NHERF1: variants seen among roughly 807,000 people sequenced by gnomAD.
The protein encoded by NHERF1 is NHERF family PDZ scaffold protein 1.
the NHERF1 span, among the ~76,000 whole-genome samples, chr17:74,753,090 C>T: frequency 2.0e-5 from 3 of 152,346 alleles, no homozygotes; most frequent in Admixed American, 2.0e-4. Context: ...AAAGTCCAGG[C>T]TTTGGGGTCA....
At chr17:74,767,498 G>A in the NHERF1 span, among the ~76,000 whole-genome samples, 1 of 152,194 alleles carries the variant, frequency 6.6e-6, no homozygotes, top group African/African-American at 2.4e-5. Flanking sequence ...CTCTGGGACA[G>A]GCCGACTCAG....
chr17:74,751,129 C>G, the NHERF1 span, among the ~76,000 whole-genome samples: 9 of 152,252 alleles, frequency 5.9e-5, no homozygotes, highest in African/African-American at 2.2e-4. This position sits in a 1 kb window ranked among gnomAD's most constrained non-coding sequence, Gnocchi z 4.3. Context: ...ATAGAAATGA[C>G]GTGAAGCACT....
chr17:74,762,251 C>T, the NHERF1 span: 7 of 1,406,238 alleles, frequency 5.0e-6, no homozygotes, highest in Non-Finnish European at 6.8e-6. The surrounding 1 kb of genome is among the most constrained non-coding windows in gnomAD (Gnocchi z 4.2). Context: ...GCCATCATAC[C>T]ATCATGGGCT....
the NHERF1 span, chr17:74,767,003 GA>G: frequency 8.5e-5 from 137 of 1,609,338 alleles, 1 homozygote; most frequent in Middle Eastern, 5.0e-4. Flanking sequence ...TGTCTCTTTG[GA>G]TTTCAATCCT....
At chr17:74,754,682 T>C in the NHERF1 span, among the ~76,000 whole-genome samples, 124 of 152,232 alleles carry the variant, frequency 8.1e-4, no homozygotes, top group African/African-American at 3.0e-3. Context: ...TTTCACCACA[T>C]TGGCCAGGCT....
At chr17:74,759,957 G>A in the NHERF1 span, among the ~76,000 whole-genome samples, 20 of 152,324 alleles carry the variant, frequency 1.3e-4, no homozygotes, top group South Asian at 4.1e-4. Context: ...TTTTGGGAGC[G>A]CAGGGACGGT....
chr17:74,757,051 G>C, the NHERF1 span, among the ~76,000 whole-genome samples: 3 of 152,150 alleles, frequency 2.0e-5, no homozygotes, highest in East Asian at 5.8e-4. Context: ...CCGGGCTGCA[G>C]CCCAGGTACC....
the NHERF1 span, chr17:74,768,229 G>T: frequency 1.2e-6 from 2 of 1,612,602 alleles, no homozygotes; most frequent in Admixed American, 1.7e-5. Context: ...AGTGACACCA[G>T]CGAGGAGGTA....
chr17:74,749,093 C>G, the NHERF1 span: 4 of 1,586,566 alleles, frequency 2.5e-6, no homozygotes, highest in Non-Finnish European at 3.4e-6. The surrounding 1 kb of genome is among the most constrained non-coding windows in gnomAD (Gnocchi z 5.6). Flanking sequence ...CCGCGCCGCA[C>G]TCAACGCCGT....
chr17:74,766,862 C>G, the NHERF1 span: 4 of 1,464,004 alleles, frequency 2.7e-6, no homozygotes, highest in Non-Finnish European at 3.8e-6. Context: ...TCTGCCCAAA[C>G]CCAACTCCTA....
At chr17:74,764,071 C>T in the NHERF1 span, among the ~76,000 whole-genome samples, 11 of 152,222 alleles carry the variant, frequency 7.2e-5, no homozygotes, top group African/African-American at 2.2e-4. This position sits in a 1 kb window ranked among gnomAD's most constrained non-coding sequence, Gnocchi z 4.9. Context: ...CCAAGCCTGG[C>T]GCCTCCCCCT....
the NHERF1 span, chr17:74,768,173 G>A: frequency 6.2e-7 from 1 of 1,613,378 alleles, no homozygotes; most frequent in Non-Finnish European, 8.5e-7. Flanking sequence ...CCCTGGCAGA[G>A]GCAGCCTTGG....
At chr17:74,768,915 C>A in the NHERF1 span, 1 of 514,740 alleles carries the variant, frequency 1.9e-6, no homozygotes. Flanking sequence ...TGTCCCTTTG[C>A]CACCCTGCCT....
At chr17:74,766,694 T>C in the NHERF1 span, among the ~76,000 whole-genome samples, 1 of 152,118 alleles carries the variant, frequency 6.6e-6, no homozygotes, top group Non-Finnish European at 1.5e-5. Flanking sequence ...GGTGGAAGGA[T>C]TGCTTGGGGC....
chr17:74,768,082 C>T, the NHERF1 span: 1 of 1,115,756 alleles, frequency 9.0e-7, no homozygotes, highest in African/African-American at 1.5e-5. Flanking sequence ...CCCAGGAGCT[C>T]CCTCCCTCCT....
the NHERF1 span, chr17:74,763,279 TG>T: frequency 7.7e-7 from 1 of 1,305,380 alleles, no homozygotes; most frequent in Non-Finnish European, 1.1e-6. Context: ...AGAACCAAGG[TG>T]GTCACCCCTG....
chr17:74,749,208 A>AGCC, the NHERF1 span: 1 of 1,525,298 alleles, frequency 6.6e-7, no homozygotes, highest in Non-Finnish European at 8.8e-7. This position sits in a 1 kb window ranked among gnomAD's most constrained non-coding sequence, Gnocchi z 5.6. Context: ...GGGCAGGCCG[A>AGCC]GCCGCCGGCC....
chr17:74,759,818 T>C, the NHERF1 span, among the ~76,000 whole-genome samples: 41 of 152,162 alleles, frequency 2.7e-4, no homozygotes, highest in East Asian at 7.0e-3. Context: ...GGAGGACAGG[T>C]TCCAAGTCAG....
the NHERF1 span, chr17:74,763,372 C>T: frequency 4.3e-6 from 7 of 1,613,140 alleles, no homozygotes; most frequent in African/African-American, 6.7e-5. Context: ...TGCAGGTGAA[C>T]GGGGTCTGCA....
Sources: gnomAD v4.1 joint callset for allele counts (sites outside exome capture counted in the v4.1 genomes callset) on GRCh38, gnomAD v4.1.1 for gene constraint, Gnocchi (gnomAD v3.1) non-coding constraint, MANE v1.5 for transcripts, NCBI Gene and HGNC (gene_info 2026-07-23, HGNC 2026-07-21) for gene names.